Variants in PRPSAP1 observed in about 807,000 individuals in gnomAD.
The protein encoded by PRPSAP1 is phosphoribosyl pyrophosphate synthetase associated protein 1.
Under a neutral mutation model 39.4 loss-of-function variants are expected in PRPSAP1, and 31 were observed. The observed-to-expected ratio is 0.79, with a 90% CI of 0.59 to 1.06. PRPSAP1 has a LOEUF of 1.06. Among genes scored for constraint, PRPSAP1 ranks in the 50% least tolerant of loss-of-function variants. PRPSAP1 has a pLI of 0.00. For missense variants in PRPSAP1, 430 were observed against 511.6 expected (o/e 0.84, Z 1.54); for synonymous variants, 212 against 192.6 (o/e 1.10, Z -0.83).
chr17:76,331,271 A>G (rs538416689), intron 4 of PRPSAP1, among the ~76,000 whole-genome samples: 1 of 152,336 alleles, frequency 6.6e-6, no homozygotes, highest in South Asian at 2.1e-4. Context: ...GTCACAGCAA[A>G]ACTTCCAGGG....
intron 7 of PRPSAP1, among the ~76,000 whole-genome samples, chr17:76,318,404 C>T (rs770358811): frequency 8.5e-5 from 13 of 152,068 alleles, no homozygotes; most frequent in Non-Finnish European, 1.9e-4. Context: ...GAGCTGGGAT[C>T]GCACCACTGC....
chr17:76,319,214 A>G (rs1312870041), intron 7 of PRPSAP1, among the ~76,000 whole-genome samples: 2 of 152,100 alleles, frequency 1.3e-5, no homozygotes, highest in South Asian at 2.1e-4. Context: ...CTGGAATTAT[A>G]GGCATGAGCC....
intron 1 of PRPSAP1, among the ~76,000 whole-genome samples, chr17:76,349,690 G>C (rs1220791207): frequency 6.6e-6 from 1 of 151,058 alleles, no homozygotes; most frequent in East Asian, 1.9e-4. Context: ...GAATCCAGGA[G>C]GCAGAGGTTG....
upstream of PRPSAP1, chr17:76,353,990 C>G: frequency 7.9e-7 from 1 of 1,260,988 alleles, no homozygotes. Context: ...CGGATGAGGG[C>G]AGGGAGCCTG....
Position 76,313,688 on chromosome 17 carries a change from A to T in PRPSAP1, c.852+133T>A, listed in dbSNP as rs2071091995. ...ATACAGGTTTCTGCCACTTGGCACAAGGGAGTTTGGGTGAGAAAGGATACA... is the reference window on the plus strand; with the variant it reads ...ATACAGGTTTCTGCCACTTGGCACATGGGAGTTTGGGTGAGAAAGGATACA... On this transcript the variant is annotated intron_variant, in intron 8 of 9. Coordinates refer to ENST00000446526, the MANE Select transcript of PRPSAP1 (RefSeq NM_002766.3). The T allele has an allele frequency of 3.1e-6, 3 of 954,610 alleles. No homozygotes were observed. In the South Asian group the frequency reaches 4.4e-5, roughly 14 times the overall value. The allele number at this position is 954,610 out of a possible 1,614,324, so 59.1% of individuals were successfully genotyped here.
At chr17:76,343,320 C>T (rs1329440198) in intron 3 of PRPSAP1, among the ~76,000 whole-genome samples, 1 of 152,200 alleles carries the variant, frequency 6.6e-6, no homozygotes, top group Non-Finnish European at 1.5e-5. Flanking sequence ...GGTGTCAGCC[C>T]CCTGCCCTGA....
chr17:76,318,437 G>A (rs1185422148), intron 7 of PRPSAP1, among the ~76,000 whole-genome samples: 1 of 152,124 alleles, frequency 6.6e-6, no homozygotes, highest in Non-Finnish European at 1.5e-5. Flanking sequence ...GTGACAGCAA[G>A]ACTCTATCTG....
intron 9 of PRPSAP1, 182 bp downstream of exon 9, chr17:76,312,688 G>T: frequency 1.6e-6 from 1 of 632,124 alleles, no homozygotes; most frequent in Non-Finnish European, 2.4e-6. Context: ...CTTCTAAGTT[G>T]AACCATGGTA....
intron 7 of PRPSAP1, among the ~76,000 whole-genome samples, chr17:76,320,423 C>T (rs1260470350): frequency 2.5e-4 from 18 of 73,400 alleles, no homozygotes; most frequent in South Asian, 6.4e-4. Flanking sequence ...GCAGATAATG[C>T]TTTTTTTTTT....
Position 76,353,742 on chromosome 17 carries a change from G to T in PRPSAP1, c.-39C>A. On this transcript the variant is annotated 5_prime_UTR_variant, in exon 1 of 10. Transcript: ENST00000446526. ...GCGCGGTTACGACCGGCCCCGCGCG[G>T]GGCTGCACTCTGAGTGCTTCCGACT... 1 of 1,419,578 alleles carries T rather than the reference G, an allele frequency of 7.0e-7. No individual in the cohort carries two copies. 87.9% of individuals were successfully genotyped at this position (1,419,578 alleles called of 1,614,324 possible).
At chr17:76,328,330 G>A (rs2071275844) in intron 7 of PRPSAP1, among the ~76,000 whole-genome samples, 1 of 152,170 alleles carries the variant, frequency 6.6e-6, no homozygotes. Flanking sequence ...AGTGGCTCAT[G>A]CCTGTAATCC....
chr17:76,333,872 A>ATTCATTCT (rs1186054643), intron 3 of PRPSAP1, among the ~76,000 whole-genome samples: 2 of 151,988 alleles, frequency 1.3e-5, no homozygotes, highest in Admixed American at 1.3e-4. Context: ...TCATTCATTC[A>ATTCATTCT]TTCTTTCTTT....
At chr17:76,338,518 C>G (rs1420491653) in intron 3 of PRPSAP1, among the ~76,000 whole-genome samples, 2 of 151,944 alleles carry the variant, frequency 1.3e-5, no homozygotes, top group Non-Finnish European at 2.9e-5. Context: ...GCCTAGGCAA[C>G]ATGGAGAAAC....
In PRPSAP1 at chr17:76,331,393, G is replaced by A. The variant is rs1459776341; in HGVS notation, c.464-727C>T. On this transcript the variant is annotated intron_variant, in intron 4 of 9. Transcript: ENST00000446526. ...TATGGGTTCCACGTGTGGATTCAACGAAACACAGACTGAAAAGGTAGTTAG... is the reference window on the plus strand; with the variant it reads ...TATGGGTTCCACGTGTGGATTCAACAAAACACAGACTGAAAAGGTAGTTAG... Among the ~76,000 whole-genome samples, 6 of 152,252 alleles carry A rather than the reference G, an allele frequency of 3.9e-5. 1 individual carries two copies. In the East Asian group the frequency reaches 5.8e-4, roughly 15 times the overall value.
At chr17:76,326,499 T>A (rs1429291212) in intron 7 of PRPSAP1, among the ~76,000 whole-genome samples, 1 of 152,186 alleles carries the variant, frequency 6.6e-6, no homozygotes, top group Admixed American at 6.6e-5. Context: ...ATCATGTGTT[T>A]CCTGTGATTT....
At chr17:76,314,058 A>G (rs1167648760) in intron 7 of PRPSAP1, 167 bp from the exon 8 acceptor site, 2 of 660,954 alleles carry the variant, frequency 3.0e-6, no homozygotes, top group African/African-American at 1.8e-5. Flanking sequence ...CAGAAACAGC[A>G]GCATTGGCCA....
intron 7 of PRPSAP1, among the ~76,000 whole-genome samples, chr17:76,320,787 T>TC (rs71161283): frequency 1.5e-4 from 8 of 53,340 alleles, no homozygotes; most frequent in East Asian, 1.0e-3. Context: ...TTTTTCTCTC[T>TC]TTTTTTTTTT....
At chr17:76,340,932 G>C (rs1263496280) in intron 3 of PRPSAP1, among the ~76,000 whole-genome samples, 1 of 151,050 alleles carries the variant, frequency 6.6e-6, no homozygotes, top group Non-Finnish European at 1.5e-5. Flanking sequence ...GGGTAGGGGG[G>C]GACTGTCTTT....
intron 7 of PRPSAP1, among the ~76,000 whole-genome samples, chr17:76,322,182 A>AG (rs1389299362): frequency 6.6e-6 from 1 of 152,214 alleles, no homozygotes; most frequent in Non-Finnish European, 1.5e-5. Context: ...AGATCATTTG[A>AG]GGTCAGGAGT....
Sources: allele counts gnomAD v4.1 joint callset (sites outside exome capture counted in the v4.1 genomes callset), GRCh38; gene constraint gnomAD v4.1.1; transcripts MANE v1.5; gene names NCBI Gene and HGNC (gene_info 2026-07-23, HGNC 2026-07-21).